The following CADPS variants were observed in gnomAD, a reference collection of about 807,000 sequenced individuals.
The protein encoded by CADPS is calcium dependent secretion activator, also known as calcium-dependent secretion activator 1.
In CADPS, 57 loss-of-function variants were observed where a neutral mutation model predicts 167.3. That is an observed-to-expected ratio of 0.34 (90% CI 0.28 to 0.42). CADPS has a LOEUF of 0.42. Ranked by LOEUF, CADPS falls within the 20% of genes least tolerant of loss-of-function variation. The probability of loss-of-function intolerance (pLI) is 1.00; values close to 1 mark genes in which losing one functional copy is unlikely to be tolerated. For synonymous variants in CADPS, 676 were observed against 635.3 expected, an observed-to-expected ratio of 1.06 and a Z score of -0.96; for missense variants, 1,414 against 1,738.1, an observed-to-expected ratio of 0.81 and a Z score of 3.32.
intron 17 of CADPS, chr3:62,499,577 T>A (rs1453662439): frequency 9.4e-6 from 2 of 213,626 alleles, no homozygotes; most frequent in Non-Finnish European, 1.9e-5. Context: ...AAAGACAGCA[T>A]AAATGTACTA....
At chr3:62,860,321 G>A (rs17067274) in intron 1 of CADPS, among the ~76,000 whole-genome samples, 5,926 of 152,184 alleles carry the variant, frequency 0.039, 394 homozygotes, top group African/African-American at 0.14. Flanking sequence ...GAATCTTACC[G>A]TAAACCAAAA....
chr3:62,753,709 G>A lies in CADPS; in HGVS notation c.620C>T (p.Ser207Phe). The A allele has an allele frequency of 1.2e-6, 2 of 1,614,146 alleles. No individual in the cohort carries two copies. Among genetic ancestry groups the A allele is most frequent in the South Asian group, 2.2e-5 (2 of 91,074 alleles). Residue 207 changes from serine (S) to phenylalanine (F), a missense_variant, in exon 3 of 30, where the codon TCC becomes TTC. Transcript: ENST00000383710. The surrounding 1 kb of genome is among the most constrained non-coding windows in gnomAD (Gnocchi z 4.6). ...AATGTGCTTCTTGAAGACCTCCCGG[G>A]AGTCGTTGGCGGAACAGCCTCCACT... ...VQSGGCSANDSREVFKKHIEK... is the reference protein window; with the variant it reads ...VQSGGCSANDFREVFKKHIEK...
At position 62,478,424 on chromosome 3, in the gene CADPS, G is replaced by T; in HGVS notation, c.3174-8C>A. On this transcript the variant is annotated splice_region_variant and splice_polypyrimidine_tract_variant and intron_variant, in intron 22 of 29. Transcript: ENST00000383710. This position sits in a 1 kb window ranked among gnomAD's most constrained non-coding sequence, Gnocchi z 5.7. ...GAGGTGCCTGACCCATTACTGGCAG[G>T]ACAAAAATTAGAAAATGAGAGTCAC... 6.2e-7 allele frequency: 1 copy of T among 1,611,896 alleles called. No homozygotes were observed. The highest frequency in any genetic ancestry group is 8.5e-7 in the Non-Finnish European group (1 of 1,178,860).
At chr3:62,466,438 T>C in intron 24 of CADPS, 25 bp from the exon 25 acceptor site, 1 of 1,505,276 alleles carries the variant, frequency 6.6e-7, no homozygotes, top group Non-Finnish European at 9.2e-7. Flanking sequence ...AGACAAATAT[T>C]AGCATGTTTG....
At chr3:62,606,293 GA>G (rs1315348448) in intron 6 of CADPS, among the ~76,000 whole-genome samples, 1 of 152,190 alleles carries the variant, frequency 6.6e-6, no homozygotes, top group East Asian at 1.9e-4. Flanking sequence ...GGGCTTTTAA[GA>G]GGTGATTGGG....
rs149812693 is a variant in CADPS, at chr3:62,800,469, C to T, written c.442-34485G>A. On this transcript the variant is annotated intron_variant, in intron 1 of 29. Coordinates refer to ENST00000383710, the MANE Select transcript of CADPS (RefSeq NM_003716.4). ...ATGACTAATTTATTATATGCTTTTC[C>T]AGAATCATGTAGAAAAAATGAAAAC... 2.8e-4 allele frequency among the ~76,000 whole-genome samples: 43 copies of T among 152,064 alleles called. No individual in the cohort carries two copies. In the East Asian group the frequency reaches 8.3e-3, roughly 29 times the overall value.
chr3:62,697,775 T>A (rs1177229904), intron 3 of CADPS, among the ~76,000 whole-genome samples: 2 of 152,154 alleles, frequency 1.3e-5, no homozygotes, highest in South Asian at 2.1e-4. Flanking sequence ...TCTATTTTTT[T>A]AATTTTTAAA....
At chr3:62,700,841 C>A (rs2081257745) in intron 3 of CADPS, among the ~76,000 whole-genome samples, 1 of 152,134 alleles carries the variant, frequency 6.6e-6, no homozygotes. Context: ...GCTGCTATCA[C>A]AAAATACCAT....
intron 12 of CADPS, among the ~76,000 whole-genome samples, chr3:62,534,814 T>A (rs1024327887): frequency 6.6e-6 from 1 of 152,172 alleles, no homozygotes; most frequent in Non-Finnish European, 1.5e-5. Context: ...GAATAATGAC[T>A]AATATACACA....
chr3:62,462,058 T>A (rs551474956), intron 26 of CADPS, among the ~76,000 whole-genome samples: 4 of 149,780 alleles, frequency 2.7e-5, no homozygotes, highest in African/African-American at 1.0e-4. Flanking sequence ...GGTACCTGCT[T>A]GCCCTCTTCT....
At chr3:62,817,754 T>C (rs1374950907) in intron 1 of CADPS, among the ~76,000 whole-genome samples, 1 of 152,204 alleles carries the variant, frequency 6.6e-6, no homozygotes, top group Non-Finnish European at 1.5e-5. Flanking sequence ...GCCAACATTT[T>C]GGGTCAGGGA....
intron 3 of CADPS, among the ~76,000 whole-genome samples, chr3:62,708,063 C>T (rs1365254693): frequency 6.6e-6 from 1 of 151,926 alleles, no homozygotes; most frequent in East Asian, 1.9e-4. Context: ...GTATCTGGGA[C>T]CATAGGCACT....
At chr3:62,613,460 A>T (rs2061791354) in intron 6 of CADPS, among the ~76,000 whole-genome samples, 2 of 152,166 alleles carry the variant, frequency 1.3e-5, no homozygotes, top group African/African-American at 4.8e-5. Flanking sequence ...TTGAACAAAG[A>T]TCAGTTCCTT....
At chr3:62,719,063 T>C (rs565963726) in intron 3 of CADPS, among the ~76,000 whole-genome samples, 13 of 152,338 alleles carry the variant, frequency 8.5e-5, no homozygotes, top group African/African-American at 2.9e-4. Context: ...TGATGCCGTC[T>C]GGGTTTATAT....
chr3:62,651,226 G>A (rs937479292), intron 4 of CADPS, 146 bp from the exon 5 acceptor site: 2 of 631,384 alleles, frequency 3.2e-6, no homozygotes, highest in East Asian at 2.7e-5. Context: ...CTAGAAAAAT[G>A]TTCAGCCTAT....
chr3:62,595,425 A>T (rs2058768209), intron 6 of CADPS, among the ~76,000 whole-genome samples: 1 of 152,164 alleles, frequency 6.6e-6, no homozygotes, highest in Admixed American at 6.5e-5. Context: ...ATTCTGGCTT[A>T]GTCACTTGCA....
chr3:62,705,796 T>C (rs1464602731), intron 3 of CADPS, among the ~76,000 whole-genome samples: 1 of 152,066 alleles, frequency 6.6e-6, no homozygotes, highest in Non-Finnish European at 1.5e-5. Context: ...CTTAATAAAC[T>C]CCCTTTTATA....
intron 10 of CADPS, among the ~76,000 whole-genome samples, chr3:62,555,625 T>TG (rs1171371332): frequency 1.3e-5 from 2 of 152,176 alleles, no homozygotes; most frequent in African/African-American, 4.8e-5. Flanking sequence ...TACAATCACA[T>TG]GGGGGGAAAG....
intron 3 of CADPS, among the ~76,000 whole-genome samples, chr3:62,697,815 T>C (rs778439931): frequency 6.6e-6 from 1 of 152,166 alleles, no homozygotes; most frequent in South Asian, 2.1e-4. Context: ...AATAAGGTGG[T>C]ATCACATTGT....
Sources: allele counts gnomAD v4.1 joint callset (sites outside exome capture counted in the v4.1 genomes callset), GRCh38; gene constraint gnomAD v4.1.1; non-coding constraint Gnocchi (gnomAD v3.1); transcripts MANE v1.5; gene names NCBI Gene and HGNC (gene_info 2026-07-23, HGNC 2026-07-21).